GRAP2: variants seen among roughly 807,000 people sequenced by gnomAD.
The protein encoded by GRAP2 is GRB2-related adapter protein 2.
A neutral mutation model predicts 43.5 loss-of-function variants in GRAP2; 31 were observed. The ratio of observed to expected loss-of-function variants is 0.71; its 90% CI spans 0.54 to 0.96. The LOEUF is 0.96. GRAP2 is among the 40% of genes least tolerant of loss of function. GRAP2 has a pLI of 0.00. For synonymous variants in GRAP2, 156 were observed against 164.8 expected, an observed-to-expected ratio of 0.95 and a Z score of 0.41; for missense variants, 371 against 424.4, an observed-to-expected ratio of 0.87 and a Z score of 1.11.
At chr22:39,917,187 G>A (rs746388845) in intron 1 of GRAP2, among the ~76,000 whole-genome samples, 9 of 152,184 alleles carry the variant, frequency 5.9e-5, no homozygotes, top group African/African-American at 1.2e-4. Context: ...GATTTACTGT[G>A]CTCATGGATT....
intron 4 of GRAP2, among the ~76,000 whole-genome samples, chr22:39,965,562 C>T (rs2067163496): frequency 1.3e-5 from 2 of 152,146 alleles, no homozygotes; most frequent in South Asian, 4.1e-4. Flanking sequence ...CCAGTGCTAG[C>T]TTATGGGCTT....
At chr22:39,959,963 C>A in intron 3 of GRAP2, 92 bp from the exon 4 acceptor site, 3 of 1,173,554 alleles carry the variant, frequency 2.6e-6, no homozygotes, top group East Asian at 2.3e-5. Flanking sequence ...GAGTCCCCAG[C>A]CTCTTTCCCT....
At chr22:39,936,279 T>C (rs753233890) in intron 1 of GRAP2, among the ~76,000 whole-genome samples, 26 of 152,022 alleles carry the variant, frequency 1.7e-4, no homozygotes, top group Admixed American at 5.9e-4. Context: ...TTTTTAATGC[T>C]TCACTTATGT....
At chr22:39,903,729 A>C (rs1356369118) in intron 1 of GRAP2, among the ~76,000 whole-genome samples, 1 of 152,156 alleles carries the variant, frequency 6.6e-6, no homozygotes, top group Non-Finnish European at 1.5e-5. Context: ...CGCCTGCCTC[A>C]GCCTCCCAAA....
At chr22:39,963,150 T>G (rs774368707) in intron 4 of GRAP2, among the ~76,000 whole-genome samples, 1 of 152,212 alleles carries the variant, frequency 6.6e-6, no homozygotes, top group Non-Finnish European at 1.5e-5. Flanking sequence ...GCAAAATCAT[T>G]ATTAATTATT....
chr22:39,935,232 G>A (rs1052188207), intron 1 of GRAP2, among the ~76,000 whole-genome samples: 1 of 151,998 alleles, frequency 6.6e-6, no homozygotes, highest in Non-Finnish European at 1.5e-5. Flanking sequence ...TTCTTGTTGT[G>A]GTTCTTAGCA....
At chr22:39,926,506 A>T in intron 1 of GRAP2, 3 of 633,234 alleles carry the variant, frequency 4.7e-6, no homozygotes, top group Non-Finnish European at 5.9e-6. Context: ...AAAAAGGAAA[A>T]GAGCAAAAAA....
At chr22:39,926,748 G>A (rs752585174) in intron 1 of GRAP2, 240 of 984,932 alleles carry the variant, frequency 2.4e-4, no homozygotes, top group Non-Finnish European at 2.8e-4. Flanking sequence ...CTGCATTAGC[G>A]GCCCCTTATC....
At chr22:39,916,661 A>G (rs1196204567) in intron 1 of GRAP2, among the ~76,000 whole-genome samples, 1 of 152,236 alleles carries the variant, frequency 6.6e-6, no homozygotes, top group African/African-American at 2.4e-5. Flanking sequence ...CCCCCATGAA[A>G]TCACGAGTTC....
At chr22:39,935,886 C>T (rs563061282) in intron 1 of GRAP2, among the ~76,000 whole-genome samples, 23 of 152,150 alleles carry the variant, frequency 1.5e-4, no homozygotes, top group Non-Finnish European at 2.5e-4. Flanking sequence ...GGGCGCTGAG[C>T]GTATTTGCAG....
At chr22:39,956,691 A>G (rs549785490) in intron 3 of GRAP2, among the ~76,000 whole-genome samples, 1 of 148,278 alleles carries the variant, frequency 6.7e-6, no homozygotes, top group African/African-American at 2.5e-5. Context: ...CTGGTCTCAA[A>G]CTCTTGACCT....
chr22:39,932,046 A>T (rs5757810), intron 1 of GRAP2, among the ~76,000 whole-genome samples: 1 of 152,184 alleles, frequency 6.6e-6, no homozygotes, highest in Admixed American at 6.5e-5. Context: ...TAGAACCTTC[A>T]TACTGCTTAT....
At chr22:39,923,701 A>G (rs568802484) in intron 1 of GRAP2, among the ~76,000 whole-genome samples, 132 of 152,392 alleles carry the variant, frequency 8.7e-4, no homozygotes, top group African/African-American at 3.1e-3. Context: ...AAGGAAAACA[A>G]CAAACAAATC....
At chr22:39,961,892 T>C (rs560052045) in intron 4 of GRAP2, among the ~76,000 whole-genome samples, 9 of 152,336 alleles carry the variant, frequency 5.9e-5, no homozygotes, top group Non-Finnish European at 1.2e-4. Context: ...AATGGATATT[T>C]GAAAGGATAG....
chr22:39,970,816 A>G, intron 7 of GRAP2, 89 bp from the exon 8 acceptor site: 1 of 1,219,330 alleles, frequency 8.2e-7, no homozygotes, highest in Non-Finnish European at 1.1e-6. Context: ...GCTCTCAAAG[A>G]CTTGGATGTG....
intron 1 of GRAP2, among the ~76,000 whole-genome samples, chr22:39,919,178 G>C (rs529049294): frequency 5.3e-5 from 8 of 152,192 alleles, no homozygotes; most frequent in Admixed American, 2.0e-4. Flanking sequence ...ATTGACAATA[G>C]CTGACCCTAT....
chr22:39,950,437 C>G (rs1179154519), intron 2 of GRAP2, among the ~76,000 whole-genome samples: 1 of 152,214 alleles, frequency 6.6e-6, no homozygotes, highest in Non-Finnish European at 1.5e-5. Context: ...ACTCCACTAG[C>G]AAAAGCTGTG....
intron 1 of GRAP2, among the ~76,000 whole-genome samples, chr22:39,911,125 C>A (rs1429165288): frequency 6.6e-6 from 1 of 152,176 alleles, no homozygotes; most frequent in Non-Finnish European, 1.5e-5. Flanking sequence ...CACTCAGAGG[C>A]AGCATTAGAT....
intron 1 of GRAP2, among the ~76,000 whole-genome samples, chr22:39,927,335 C>T (rs1343097580): frequency 6.6e-6 from 1 of 152,152 alleles, no homozygotes; most frequent in African/African-American, 2.4e-5. Flanking sequence ...TTGGGAATAC[C>T]TGTGATGTGA....
Sources: allele counts gnomAD v4.1 joint callset (sites outside exome capture counted in the v4.1 genomes callset), GRCh38; gene constraint gnomAD v4.1.1; transcripts MANE v1.5; gene names NCBI Gene and HGNC (gene_info 2026-07-23, HGNC 2026-07-21).